The following BRCA1 variants were observed in gnomAD, a reference collection of about 807,000 sequenced individuals.
BRCA1 encodes the protein breast cancer type 1 susceptibility protein.
In BRCA1, 140 loss-of-function variants were observed where a neutral mutation model predicts 173.7. The observed-to-expected ratio is 0.81, with a 90% CI of 0.70 to 0.93. The LOEUF is 0.93. Ranked by LOEUF, BRCA1 falls within the 40% of genes least tolerant of loss-of-function variation. The probability of loss-of-function intolerance (pLI) is 0.00; values close to 1 mark genes in which losing one functional copy is unlikely to be tolerated. For missense variants in BRCA1, 1,983 were observed against 2,172.5 expected, an observed-to-expected ratio of 0.91 and a Z score of 1.73; for synonymous variants, 662 against 756.0, an observed-to-expected ratio of 0.88 and a Z score of 2.04.
intron 3 of BRCA1, chr17:43,110,548 A>G (rs754146940): frequency 2.3e-6 from 1 of 444,006 alleles, no homozygotes; most frequent in South Asian, 1.6e-5. Flanking sequence ...TGATCGCACC[A>G]CTGTACTCCA....
At chr17:43,096,647 A>G (rs1333804810) in intron 8 of BRCA1, among the ~76,000 whole-genome samples, 1 of 151,876 alleles carries the variant, frequency 6.6e-6, no homozygotes, top group Admixed American at 6.6e-5. Flanking sequence ...GGTTGCTTGT[A>G]GTTTATTATA....
chr17:43,140,287 T>TCCTTTA (rs1358144419), intron 1 of BRCA1: 1 of 173,758 alleles, frequency 5.8e-6, no homozygotes, highest in South Asian at 1.3e-4. Context: ...TTCATTTGTA[T>TCCTTTA]CCTTTAAAAT....
intron 1 of BRCA1, among the ~76,000 whole-genome samples, chr17:43,149,697 T>C (rs1232676350): frequency 6.6e-6 from 1 of 152,202 alleles, no homozygotes; most frequent in Non-Finnish European, 1.5e-5. Flanking sequence ...CATAGCCAAA[T>C]TGGAAACTGT....
chr17:43,082,777 A>G, intron 11 of BRCA1: 1 of 621,672 alleles, frequency 1.6e-6, no homozygotes, highest in South Asian at 2.0e-5. Context: ...GATGTTAGTG[A>G]GGGAAAAAAT....
chr17:43,138,387 A>G (rs2154581423), intron 1 of BRCA1: 2 of 526,278 alleles, frequency 3.8e-6, no homozygotes, highest in East Asian at 3.4e-5. Flanking sequence ...TCTCCAATCA[A>G]CTCAGGGCAT....
intron 1 of BRCA1, 29 bp from the exon 2 acceptor site, chr17:43,124,144 A>G (rs1427914053): frequency 8.1e-7 from 1 of 1,240,638 alleles, no homozygotes; most frequent in Non-Finnish European, 1.2e-6. Flanking sequence ...ACATATATAT[A>G]TATCTTTTTA....
At chr17:43,142,466 G>A (rs2056082166) in intron 1 of BRCA1, 1 of 152,208 alleles carries the variant, frequency 6.6e-6, no homozygotes, top group Non-Finnish European at 1.5e-5. Context: ...GCCGGACAGA[G>A]GAATGGTTAC....
chr17:43,104,288 G>T, intron 5 of BRCA1, 27 bp from the exon 6 acceptor site: 1 of 1,604,018 alleles, frequency 6.2e-7, no homozygotes. Context: ...AAAACATTAT[G>T]TTTGCAGTTA....
chr17:43,121,333 C>A (rs1189462118), intron 2 of BRCA1, among the ~76,000 whole-genome samples: 1 of 152,050 alleles, frequency 6.6e-6, no homozygotes, highest in African/African-American at 2.4e-5. Context: ...CAAGATCGTG[C>A]CACTGCACTC....
chr17:43,111,614 G>A (rs560007132), intron 3 of BRCA1, among the ~76,000 whole-genome samples: 1 of 152,128 alleles, frequency 6.6e-6, no homozygotes, highest in South Asian at 2.1e-4. Flanking sequence ...GAGGTCAGGA[G>A]ATCGAGACCA....
At chr17:43,059,480 C>T (rs1203910913) in intron 18 of BRCA1, among the ~76,000 whole-genome samples, 5 of 151,440 alleles carry the variant, frequency 3.3e-5, no homozygotes, top group Non-Finnish European at 7.4e-5. Context: ...ACAACAACAA[C>T]AACAACAACA....
rs1011096937 is a variant in BRCA1 at position 43,091,747 on chromosome 17, A to G, written c.3784T>C (p.Ser1262Pro). Residue 1262 changes from serine to proline, a missense_variant, in exon 10 of 23, where the codon TCA becomes CCA. Ser to Pro is a moderately conservative substitution (Grantham distance 74). Coordinates refer to ENST00000357654, the MANE Select transcript of BRCA1 (RefSeq NM_007294.4). ...LSKNTEENLL[S>P]LKNSLNDCSN... ...CAGTCATTTAAGCTATTCTTCAATG[A>G]TAATAAATTCTCCTCTGTGTTCTTA... The G allele has an allele frequency of 1.9e-6, 3 of 1,614,118 alleles. No individual in the cohort carries two copies. Among genetic ancestry groups the G allele is most frequent in the Non-Finnish European group, 2.5e-6 (3 of 1,180,040 alleles).
rs906951194 is a variant in BRCA1 at position 43,147,776 on chromosome 17, A to G, written c.-20+22350T>C. The stretch of plus-strand genomic sequence containing the variant: ...CTGCCACTTTAGAGGAAGGACTCAC[A>G]TATCCTACCTTCCATCAGCCTTGAA... On this transcript the variant is annotated intron_variant, in intron 1 of 7. Coordinates refer to the BRCA1 transcript ENST00000634433. Among the ~76,000 whole-genome samples, 7 of 151,272 alleles carry G rather than the reference A, an allele frequency of 4.6e-5. No individual in the cohort carries two copies. In the East Asian group the frequency reaches 9.7e-4, roughly 21 times the overall value.
At chr17:43,154,857 T>C (rs150724335) in intron 1 of BRCA1, among the ~76,000 whole-genome samples, 18 of 151,488 alleles carry the variant, frequency 1.2e-4, no homozygotes, top group African/African-American at 4.4e-4. Context: ...ACAGGTAGTG[T>C]AATATGTATA....
intron 16 of BRCA1, chr17:43,067,310 A>T: frequency 4.6e-6 from 1 of 216,542 alleles, no homozygotes; most frequent in Non-Finnish European, 8.9e-6. Flanking sequence ...GCTGGAATGC[A>T]GTGGCATGAT....
At position 43,124,741 on chromosome 17, in the gene BRCA1, C is replaced by T. The variant is rs111462026; in HGVS notation, c.-20+530G>A. The T allele has an allele frequency of 3.5e-3, 717 of 203,350 alleles. 11 individuals are homozygous for T. The highest frequency in any genetic ancestry group is 0.016 in the African/African-American group (660 of 42,440). The allele number at this position is 203,350 out of a possible 1,614,324, so 12.6% of individuals were successfully genotyped here. ...GTCCCATCCTCTCATACATACCAGCCGGTGTTTTTTGTTTTGTTTTGTTTT... is the reference window on the plus strand; with the variant it reads ...GTCCCATCCTCTCATACATACCAGCTGGTGTTTTTTGTTTTGTTTTGTTTT... On this transcript the variant is annotated intron_variant, in intron 1 of 22. Coordinates refer to ENST00000357654, the MANE Select transcript of BRCA1 (RefSeq NM_007294.4).
intron 1 of BRCA1, among the ~76,000 whole-genome samples, chr17:43,130,669 T>C (rs567336043): frequency 1.4e-4 from 21 of 152,334 alleles, no homozygotes; most frequent in African/African-American, 5.1e-4. Flanking sequence ...GCATATTCAT[T>C]TTTAATTTGA....
chr17:43,100,658 A>G lies in BRCA1; in HGVS notation c.442-778T>C, dbSNP rs1567807495. Among the ~76,000 whole-genome samples the G allele has an allele frequency of 1.6e-4, 2 of 12,654 alleles. 1 individual carries two copies. The highest frequency in any genetic ancestry group is 2.1e-4 in the Non-Finnish European group (2 of 9,444). The allele number at this position is 12,654 out of a possible 152,430, so 8.3% of individuals were successfully genotyped here. On this transcript the variant is annotated intron_variant, in intron 6 of 22. Coordinates refer to ENST00000357654, the MANE Select transcript of BRCA1 (RefSeq NM_007294.4). Reference sequence around the variant, plus strand: ...TATATATATATAACATATATATAACATATATATATATATATATATAATATA... The same window carrying G: ...TATATATATATAACATATATATAACGTATATATATATATATATATAATATA...
Position 43,076,611 on chromosome 17 carries a change from A to C in BRCA1, c.4361T>G (p.Val1454Gly). 1 of 1,613,354 alleles carries C rather than the reference A, an allele frequency of 6.2e-7. No individual in the cohort carries two copies. The highest frequency in any genetic ancestry group is 2.2e-5 in the East Asian group (1 of 44,814). Residue 1454 changes from valine (V) to glycine (G), a missense_variant, in exon 13 of 23, where the codon GTA (valine) becomes GGA (glycine). Coordinates refer to ENST00000357654, the MANE Select transcript of BRCA1 (RefSeq NM_007294.4). ...NPEQSTSEKA[V>G]LTSQKSSEYP... is the part of the protein sequence containing the mutation. ...TTCACTACTTTTCTGTGAAGTTAAT[A>C]CTGCTTTAAATGGAATGAGAAAACA...
Sources: allele counts gnomAD v4.1 joint callset (sites outside exome capture counted in the v4.1 genomes callset), GRCh38; gene constraint gnomAD v4.1.1; transcripts MANE v1.5; gene names NCBI Gene and HGNC (gene_info 2026-07-23, HGNC 2026-07-21).